PSIP1: variants seen among roughly 807,000 people sequenced by gnomAD.
The protein encoded by PSIP1 is PC4 and SRSF1 interacting protein 1.
In PSIP1, 19 loss-of-function variants were observed where a neutral mutation model predicts 74.7. The ratio of observed to expected loss-of-function variants is 0.25; its 90% CI spans 0.18 to 0.37. The LOEUF (loss-of-function observed/expected upper bound fraction) is 0.37. Among genes scored for constraint, PSIP1 ranks in the 10% least tolerant of loss-of-function variants. PSIP1 has a pLI of 1.00. For synonymous variants in PSIP1, 222 were observed against 195.3 expected, an observed-to-expected ratio of 1.14 and a Z score of -1.14; for missense variants, 601 against 614.3, an observed-to-expected ratio of 0.98 and a Z score of 0.23.
intron 6 of PSIP1, among the ~76,000 whole-genome samples, chr9:15,484,460 G>A (rs963756748): frequency 4.6e-5 from 7 of 151,718 alleles, no homozygotes; most frequent in African/African-American, 9.7e-5. Context: ...TTAGCTGGGC[G>A]TGGTGGCTCA....
At chr9:15,503,403 T>C (rs2037436183) in intron 3 of PSIP1, among the ~76,000 whole-genome samples, 1 of 152,022 alleles carries the variant, frequency 6.6e-6, no homozygotes, top group South Asian at 2.1e-4. Context: ...TAGCCTGTAA[T>C]CTCAGCACTT....
rs1563864795 is a variant in PSIP1, at chr9:15,468,657, T to G, written c.1393A>C (p.Asn465His). 1.2e-6 allele frequency: 2 copies of G among 1,614,146 alleles called. No homozygotes were observed. Among genetic ancestry groups the G allele is most frequent in the Non-Finnish European group, 1.7e-6 (2 of 1,179,996 alleles). Residue 465 changes from asparagine to histidine, a missense_variant, in exon 14 of 16, where the codon AAC (asparagine) becomes CAC (histidine). Asn to His is a moderately conservative substitution (Grantham distance 68). Transcript: ENST00000380733. ...KTKDQGKKGP[N>H]KKLEKEQTGS... ...GTTTGTTCCTTCTCTAGCTTTTTGT[T>G]TGGCCCTTTCTTCCCTTGATCTTTG...
At chr9:15,510,036 AAAAAT>A in intron 2 of PSIP1, 76 bp downstream of exon 2, 2 of 1,396,878 alleles carry the variant, frequency 1.4e-6, no homozygotes, top group Non-Finnish European at 2.0e-6. Context: ...GGACAGAAGA[AAAAAT>A]AAAGAGACAC....
rs547434606 is a variant in PSIP1, at chr9:15,507,398, C to A, written c.73-761G>T. The stretch of plus-strand genomic sequence containing the variant: ...GGCGCGGTGGCTCACACCTGTAATC[C>A]CAGCACTCTGGGAGGGCAAGGTGGA... On this transcript the variant is annotated intron_variant, in intron 2 of 15. Coordinates refer to ENST00000380733, the MANE Select transcript of PSIP1 (RefSeq NM_033222.5). Among the ~76,000 whole-genome samples, 7 of 152,204 alleles carry A rather than the reference C, an allele frequency of 4.6e-5. No individual in the cohort carries two copies. The East Asian group carries it at 1.2e-3, about 25-fold the overall frequency.
At chr9:15,476,066 G>A (rs1439348006) in intron 8 of PSIP1, among the ~76,000 whole-genome samples, 1 of 152,128 alleles carries the variant, frequency 6.6e-6, no homozygotes, top group Non-Finnish European at 1.5e-5. Context: ...TGTTCTAACG[G>A]TGAAGAGCAG....
intron 8 of PSIP1, among the ~76,000 whole-genome samples, chr9:15,475,851 C>T (rs1587471933): frequency 6.6e-6 from 1 of 152,106 alleles, no homozygotes; most frequent in Non-Finnish European, 1.5e-5. Context: ...GGGATATTAG[C>T]AAAGTTGTAT....
intron 9 of PSIP1, 148 bp from the exon 10 acceptor site, chr9:15,472,898 C>T (rs1042362011): frequency 5.7e-6 from 4 of 707,434 alleles, no homozygotes; most frequent in African/African-American, 1.8e-5. Flanking sequence ...CTTTGAATTA[C>T]ACCTATCTCT....
intron 2 of PSIP1, among the ~76,000 whole-genome samples, chr9:15,509,173 A>G (rs889709617): frequency 3.9e-5 from 6 of 152,244 alleles, no homozygotes; most frequent in African/African-American, 1.4e-4. Flanking sequence ...TACATTTTCA[A>G]AGGACAGTAA....
intron 8 of PSIP1, among the ~76,000 whole-genome samples, chr9:15,478,127 T>TAAA (rs570873100): frequency 6.3e-4 from 68 of 108,208 alleles, no homozygotes; most frequent in African/African-American, 1.9e-3. Flanking sequence ...ACCCCATCTT[T>TAAA]AAAAAAAAAA....
chr9:15,494,679 A>G (rs1428701431), intron 3 of PSIP1, among the ~76,000 whole-genome samples: 5 of 151,260 alleles, frequency 3.3e-5, no homozygotes, highest in Non-Finnish European at 5.9e-5. Context: ...GTATCCATGT[A>G]TTTTAACTGC....
intron 3 of PSIP1, among the ~76,000 whole-genome samples, chr9:15,491,114 T>C (rs998547454): frequency 1.3e-5 from 2 of 152,248 alleles, no homozygotes; most frequent in Admixed American, 6.5e-5. Context: ...AAAGACACCT[T>C]ATTTAATACA....
intron 6 of PSIP1, among the ~76,000 whole-genome samples, chr9:15,482,542 C>T: frequency 6.6e-6 from 1 of 152,196 alleles, no homozygotes; most frequent in East Asian, 1.9e-4. Flanking sequence ...CTCCATCCCT[C>T]CCCTTCAGTG....
intron 4 of PSIP1, among the ~76,000 whole-genome samples, chr9:15,488,546 G>T (rs1283158228): frequency 6.6e-6 from 1 of 152,176 alleles, no homozygotes. Context: ...ATTTTAAATC[G>T]TAAGAGTTCT....
At chr9:15,501,368 G>A (rs928618631) in intron 3 of PSIP1, among the ~76,000 whole-genome samples, 1 of 150,782 alleles carries the variant, frequency 6.6e-6, no homozygotes, top group Admixed American at 6.6e-5. Flanking sequence ...CCAGCTCTTC[G>A]AGTGTGGGTG....
chr9:15,470,078 T>C (rs1372587227), intron 10 of PSIP1, 85 bp from the exon 11 acceptor site: 21 of 1,133,916 alleles, frequency 1.9e-5, no homozygotes, highest in Middle Eastern at 3.9e-4. Context: ...CTAAAAATGT[T>C]TTCCTTAAAA....
rs2035663700 is a variant in PSIP1 at position 15,466,949 on chromosome 9, C to T, written c.1421-90G>A. The T allele has an allele frequency of 1.9e-5, 17 of 915,732 alleles. No homozygotes were observed. The South Asian group carries it at 2.3e-4, about 13-fold the overall frequency. 56.7% of individuals were successfully genotyped at this position (915,732 alleles called of 1,614,324 possible). A position where few individuals can be genotyped will look rare whatever the true frequency, so the allele number is the denominator to read the frequency against. On this transcript the variant is annotated intron_variant, in intron 14 of 15. Coordinates refer to ENST00000380733, the MANE Select transcript of PSIP1 (RefSeq NM_033222.5). ...CTAAAGATCCAGAATCAAAATACAA[C>T]ATGGCCATCGTGTTTCTACTACTTA...
intron 3 of PSIP1, among the ~76,000 whole-genome samples, chr9:15,494,790 A>G (rs539163797): frequency 1.4e-4 from 22 of 152,290 alleles, no homozygotes; most frequent in African/African-American, 5.3e-4. Context: ...TCATTCCATC[A>G]AAAACTGAAG....
chr9:15,467,472 A>G (rs913624095), intron 14 of PSIP1, among the ~76,000 whole-genome samples: 1 of 152,182 alleles, frequency 6.6e-6, no homozygotes, highest in Admixed American at 6.5e-5. Context: ...AGACTGGAGG[A>G]GCTGATAATG....
At position 15,510,343 on chromosome 9, in the gene PSIP1, C is replaced by G. The variant is rs905944307; in HGVS notation, c.-141-14G>C. On this transcript the variant is annotated splice_polypyrimidine_tract_variant and intron_variant, in intron 1 of 15. Coordinates refer to ENST00000380733, the MANE Select transcript of PSIP1 (RefSeq NM_033222.5). ...CCGACGCGCCTGCTAGGGAGAGCAC[C>G]GAGGGCGGTTAAAGCGAAGAACCCC... is the stretch of plus-strand genomic sequence containing the variant. The G allele has an allele frequency of 1.4e-5, 3 of 210,436 alleles. No homozygotes were observed. The highest frequency in any genetic ancestry group is 1.8e-4 in the Admixed American group (2 of 10,922). The allele number at this position is 210,436 out of a possible 1,614,324, so 13.0% of individuals were successfully genotyped here.
Sources: allele counts gnomAD v4.1 joint callset (sites outside exome capture counted in the v4.1 genomes callset), GRCh38; gene constraint gnomAD v4.1.1; transcripts MANE v1.5; gene names NCBI Gene and HGNC (gene_info 2026-07-23, HGNC 2026-07-21).